The following MKLN1 variants were observed in gnomAD, a reference collection of about 807,000 sequenced individuals.
MKLN1 encodes the protein muskelin.
In MKLN1, 18 loss-of-function variants were observed where a neutral mutation model predicts 99.0. The observed-to-expected ratio is 0.18, with a 90% CI of 0.13 to 0.27. The LOEUF (loss-of-function observed/expected upper bound fraction) is 0.27. Among genes scored for constraint, MKLN1 ranks in the 10% least tolerant of loss-of-function variants. MKLN1 has a pLI of 1.00. For missense variants in MKLN1, 621 were observed against 875.9 expected (o/e 0.71, Z 3.67); for synonymous variants, 288 against 293.2 (o/e 0.98, Z 0.18).
At chr7:131,337,473 A>C (rs1563299503) in intron 1 of MKLN1, among the ~76,000 whole-genome samples, 1 of 152,042 alleles carries the variant, frequency 6.6e-6, no homozygotes. Flanking sequence ...GAATTTAACT[A>C]TGTCCAATCT....
intron 2 of MKLN1, among the ~76,000 whole-genome samples, chr7:131,160,477 TTTA>T (rs907060000): frequency 1.4e-5 from 2 of 141,172 alleles, no homozygotes; most frequent in African/African-American, 2.6e-5. Context: ...TTTAACTTAT[TTTA>T]TTATTATTAT....
chr7:131,447,975 T>C (rs1166646588), intron 12 of MKLN1, among the ~76,000 whole-genome samples: 1 of 152,170 alleles, frequency 6.6e-6, no homozygotes, highest in Non-Finnish European at 1.5e-5. Context: ...ACACCTGTAA[T>C]CCCAGCAGTT....
chr7:131,349,108 T>C (rs1799644144), intron 1 of MKLN1, among the ~76,000 whole-genome samples: 1 of 152,220 alleles, frequency 6.6e-6, no homozygotes, highest in South Asian at 2.1e-4. Context: ...GAACTTGATA[T>C]AATTAGATGA....
At position 131,436,830 on chromosome 7, in the gene MKLN1, A is replaced by G. The variant is rs143332194; in HGVS notation, c.961-955A>G. ...CCTGTGATACAAGTGATACCAGCTA[A>G]TTAATTTATTGATAATATACTGTTC... On this transcript the variant is annotated intron_variant, in intron 9 of 17. Transcript: ENST00000352689. 1.6e-3 allele frequency among the ~76,000 whole-genome samples: 243 copies of G among 152,294 alleles called. 2 individuals are homozygous for G. Among genetic ancestry groups the G allele is most frequent in the African/African-American group, 5.5e-3 (229 of 41,570 alleles).
chr7:131,356,608 G>A (rs1343496557), intron 1 of MKLN1, among the ~76,000 whole-genome samples: 1 of 152,282 alleles, frequency 6.6e-6, no homozygotes, highest in East Asian at 1.9e-4. Flanking sequence ...GCGATATCCG[G>A]CCAGGCCCAA....
intron 16 of MKLN1, among the ~76,000 whole-genome samples, chr7:131,475,537 G>A (rs1796939535): frequency 6.6e-6 from 1 of 152,162 alleles, no homozygotes; most frequent in Admixed American, 6.5e-5. Context: ...ACAGAAGCTG[G>A]GCGTGGTGGC....
At position 131,445,881 on chromosome 7, in the gene MKLN1, C is replaced by A; in HGVS notation, c.1503C>A (p.Gly501=). The A allele has an allele frequency of 6.2e-7, 1 of 1,600,090 alleles. No homozygotes were observed. The highest frequency in any genetic ancestry group is 8.5e-7 in the Non-Finnish European group (1 of 1,171,414). Residue 501 remains glycine, a synonymous_variant, in exon 12 of 18, where the codon GGC becomes GGA. Transcript: ENST00000352689. ...ATCATGTAGACATAATATCAGATGGCACCAAGAAAGACTCTGGGATGGGTA... is the reference window on the plus strand; with the variant it reads ...ATCATGTAGACATAATATCAGATGGAACCAAGAAAGACTCTGGGATGGGTA... The part of the protein sequence containing the change: ...DSDHVDIISD[G]TKKDSGMVPM...
intron 11 of MKLN1, among the ~76,000 whole-genome samples, chr7:131,444,790 TA>T (rs1419340480): frequency 2.0e-5 from 3 of 147,502 alleles, no homozygotes; most frequent in Non-Finnish European, 4.5e-5. Context: ...GTAGTAGTAG[TA>T]GTAGTAGTAG....
intron 12 of MKLN1, among the ~76,000 whole-genome samples, chr7:131,457,379 A>G (rs1026782460): frequency 1.3e-5 from 2 of 152,232 alleles, no homozygotes; most frequent in Non-Finnish European, 2.9e-5. Context: ...TCCAAACATT[A>G]TAAAAACAGA....
At chr7:131,115,326 G>A (rs1041169328) in intron 1 of MKLN1, among the ~76,000 whole-genome samples, 2 of 152,128 alleles carry the variant, frequency 1.3e-5, no homozygotes, top group African/African-American at 2.4e-5. Flanking sequence ...CTTTTCCTCC[G>A]TTTTCACAAT....
intron 3 of MKLN1, among the ~76,000 whole-genome samples, chr7:131,252,290 A>C (rs78054734): frequency 0.084 from 12,496 of 148,078 alleles, 577 homozygotes; most frequent in Middle Eastern, 0.15. Flanking sequence ...AACCACATGC[A>C]TTGTTTTGGG....
At chr7:131,446,102 A>G (rs2116522283) in intron 12 of MKLN1, among the ~76,000 whole-genome samples, 199 bp downstream of exon 12, 1 of 152,286 alleles carries the variant, frequency 6.6e-6, no homozygotes, top group South Asian at 2.1e-4. Flanking sequence ...ATTTCCTTCA[A>G]GCAGAAAATA....
Position 131,458,001 on chromosome 7 carries a change from C to T in MKLN1, c.1526-5216C>T, listed in dbSNP as rs866168550. On this transcript the variant is annotated intron_variant, in intron 12 of 17. Transcript: ENST00000352689. Reference sequence around the variant, plus strand: ...AAAATGGTGAAAGACTTCAGATTGGCGAAAGAGCTCATAGTGTACCAAATA... The same window carrying T: ...AAAATGGTGAAAGACTTCAGATTGGTGAAAGAGCTCATAGTGTACCAAATA... Among the ~76,000 whole-genome samples the T allele has an allele frequency of 3.9e-5, 6 of 152,098 alleles. 1 individual carries two copies. The Middle Eastern group carries it at 0.01, about 259-fold the overall frequency.
chr7:131,110,368 C>T (rs114718378), intron 1 of MKLN1, among the ~76,000 whole-genome samples: 1,898 of 152,228 alleles, frequency 0.012, 15 homozygotes, highest in Middle Eastern at 0.051. Context: ...CCAAACGCAG[C>T]AATAATTACT....
At chr7:131,197,657 T>C (rs1796668658) in intron 2 of MKLN1, among the ~76,000 whole-genome samples, 1 of 152,020 alleles carries the variant, frequency 6.6e-6, no homozygotes, top group African/African-American at 2.4e-5. Flanking sequence ...TGACCTTGGA[T>C]AATCATCCAG....
chr7:131,486,850 G>A (rs1797296062), intron 17 of MKLN1, among the ~76,000 whole-genome samples: 3 of 152,228 alleles, frequency 2.0e-5, no homozygotes, highest in Admixed American at 6.5e-5. Context: ...GTTTATTAGA[G>A]GTTAAGGGAA....
chr7:131,353,897 C>T (rs1205270271), intron 1 of MKLN1, among the ~76,000 whole-genome samples: 1 of 102,716 alleles, frequency 9.7e-6, no homozygotes, highest in Non-Finnish European at 1.9e-5. Flanking sequence ...TGCTTTTGTA[C>T]CTTTGTAAAA....
chr7:131,235,222 T>TTC (rs769283667), intron 3 of MKLN1, among the ~76,000 whole-genome samples: 4 of 151,726 alleles, frequency 2.6e-5, no homozygotes, highest in African/African-American at 7.3e-5. Context: ...CTCTATCTCT[T>TTC]TCTCTCTGTG....
At chr7:131,435,765 TG>T (rs1262336659) in intron 9 of MKLN1, among the ~76,000 whole-genome samples, 1 of 152,142 alleles carries the variant, frequency 6.6e-6, no homozygotes, top group Non-Finnish European at 1.5e-5. Context: ...ACTGGCAATT[TG>T]TATTTTCCCT....
Sources: allele counts gnomAD v4.1 joint callset (sites outside exome capture counted in the v4.1 genomes callset), GRCh38; gene constraint gnomAD v4.1.1; transcripts MANE v1.5; gene names NCBI Gene and HGNC (gene_info 2026-07-23, HGNC 2026-07-21).